The following MAPK8IP3 variants were observed in gnomAD, a reference collection of about 807,000 sequenced individuals.
The protein encoded by MAPK8IP3 is mitogen-activated protein kinase 8 interacting protein 3.
MAPK8IP3 carries 49 observed loss-of-function variants against 157.8 expected under a neutral mutation model. The ratio of observed to expected loss-of-function variants is 0.31; its 90% confidence interval spans 0.25 to 0.39. The LOEUF (loss-of-function observed/expected upper bound fraction) is 0.39, where lower values mean the gene tolerates loss of function less well. Among genes scored for constraint, MAPK8IP3 ranks in the 10% least tolerant of loss-of-function variants. The pLI is 1.00. For synonymous variants in MAPK8IP3, 897 were observed against 777.7 expected, an observed-to-expected ratio of 1.15 and a Z score of -2.55; for missense variants, 1,478 against 1,889.4, an observed-to-expected ratio of 0.78 and a Z score of 4.04.
At position 1,710,639 on chromosome 16, in the gene MAPK8IP3, G is replaced by T. The variant is rs1474699129; in HGVS notation, c.318+3982G>T. Among the ~76,000 whole-genome samples, 1 of 152,118 alleles carries T rather than the reference G, an allele frequency of 6.6e-6. No individual in the cohort carries two copies. Among genetic ancestry groups the T allele is most frequent in the Non-Finnish European group, 1.5e-5 (1 of 68,010 alleles). ...CTCCTCTGCGCCAGACGATCTGCAG[G>T]AAGTCTTTTCCATCAATGAATTAAG... is the stretch of plus-strand genomic sequence containing the variant. On this transcript the variant is annotated intron_variant, in intron 1 of 31. Coordinates refer to ENST00000610761, the MANE Select transcript of MAPK8IP3 (RefSeq NM_001318852.2). This position sits in a 1 kb window ranked among gnomAD's most constrained non-coding sequence, Gnocchi z 4.1.
rs2040660459 is a variant in MAPK8IP3 at position 1,741,271 on chromosome 16, G to C, written c.603-2061G>C. 6.6e-6 allele frequency among the ~76,000 whole-genome samples: 1 copy of C among 152,218 alleles called. No individual in the cohort carries two copies. The highest frequency in any genetic ancestry group is 6.5e-5 in the Admixed American group (1 of 15,286). ...TGAGGGAGCTGCGAGGACAAATCGG[G>C]AGGACGGGGTCAGTCGGCAAACGCT... On this transcript the variant is annotated intron_variant, in intron 4 of 31. Coordinates refer to ENST00000610761, the MANE Select transcript of MAPK8IP3 (RefSeq NM_001318852.2). The surrounding 1 kb of genome is among the most constrained non-coding windows in gnomAD (Gnocchi z 6.9).
chr16:1,720,273 T>C (rs929239885), intron 1 of MAPK8IP3, among the ~76,000 whole-genome samples: 5 of 152,212 alleles, frequency 3.3e-5, no homozygotes, highest in African/African-American at 1.2e-4. Context: ...TGACCTCAGG[T>C]GATCCACCCG....
Position 1,729,126 on chromosome 16 carries a change from T to C in MAPK8IP3, c.440-12T>C, listed in dbSNP as rs2039114694. On this transcript the variant is annotated splice_polypyrimidine_tract_variant and intron_variant, in intron 2 of 31. Coordinates refer to ENST00000610761, the MANE Select transcript of MAPK8IP3 (RefSeq NM_001318852.2). ...CGTCTTGTGCGGCTCAGACAGTGAT[T>C]GTGTTTTCCAGTTTCCCGGTTGGAG... The C allele has an allele frequency of 6.2e-7, 1 of 1,613,292 alleles. No individual in the cohort carries two copies. The highest frequency in any genetic ancestry group is 1.3e-5 in the African/African-American group (1 of 74,920).
At chr16:1,760,309 C>A in intron 11 of MAPK8IP3, 71 bp from the exon 12 acceptor site, 1 of 1,541,268 alleles carries the variant, frequency 6.5e-7, no homozygotes, top group South Asian at 1.2e-5. Flanking sequence ...AGTGCAGGCG[C>A]CCCTGGCAAG....
intron 4 of MAPK8IP3, among the ~76,000 whole-genome samples, chr16:1,730,713 G>C (rs183823800): frequency 3.9e-5 from 6 of 151,954 alleles, no homozygotes; most frequent in Non-Finnish European, 7.4e-5. Flanking sequence ...TGTGGTGGCG[G>C]GCGCCTGTAG....
Position 1,737,954 on chromosome 16 carries a change from G to C in MAPK8IP3, c.603-5378G>C, listed in dbSNP as rs1284448918. 3.2e-4 allele frequency among the ~76,000 whole-genome samples: 25 copies of C among 78,016 alleles called. 2 individuals carry two copies. The highest frequency in any genetic ancestry group is 5.8e-4 in the Non-Finnish European group (23 of 39,760). The allele number at this position is 78,016 out of a possible 152,430, so 51.2% of individuals were successfully genotyped here. On this transcript the variant is annotated intron_variant, in intron 4 of 31. Transcript: ENST00000610761. ...TGTGAGCATCCGTGTGACTGTCCGT[G>C]TGAGCGTCCGTGTGAGCGTGTGACC...
intron 2 of MAPK8IP3, among the ~76,000 whole-genome samples, chr16:1,725,927 G>A (rs933920606): frequency 5.3e-5 from 8 of 152,154 alleles, no homozygotes; most frequent in Non-Finnish European, 7.3e-5. Flanking sequence ...TCGATCTTCT[G>A]ACCTCGTGAT....
intron 4 of MAPK8IP3, among the ~76,000 whole-genome samples, chr16:1,736,807 T>TGACCATCC (rs2039926009): frequency 5.1e-5 from 4 of 78,910 alleles, no homozygotes; most frequent in African/African-American, 5.7e-5. Flanking sequence ...CGTGTGAGCG[T>TGACCATCC]GTGACCGTCC....
intron 4 of MAPK8IP3, among the ~76,000 whole-genome samples, chr16:1,739,199 C>CGT (rs1157688459): frequency 9.6e-6 from 1 of 104,390 alleles, no homozygotes; most frequent in Non-Finnish European, 1.8e-5. Flanking sequence ...TGTGACCGTC[C>CGT]GTGTGAGCGT....
chr16:1,760,505 T>G lies in MAPK8IP3; in HGVS notation c.1430T>G (p.Ile477Ser). 1 of 1,613,390 alleles carries G rather than the reference T, an allele frequency of 6.2e-7. No individual in the cohort carries two copies. The highest frequency in any genetic ancestry group is 8.5e-7 in the Non-Finnish European group (1 of 1,179,574). The part of the protein sequence containing the change: ...KQAKVKLENR[I>S]KELEEELKRV... The stretch of plus-strand genomic sequence containing the variant: ...GCCAAAGTCAAGCTGGAAAACCGTA[T>G]CAAGGAGCTGGAAGAGGAACTGAAA... Residue 477 changes from isoleucine to serine, a missense_variant, in exon 12 of 32, where the codon ATC (isoleucine) becomes AGC (serine). Physicochemically the swap from Ile to Ser is moderately radical, Grantham distance 142. Around this residue, in one of 11 missense-constraint regions of MAPK8IP3, gnomAD observed 96 missense variants for 106.3 expected, o/e 0.90. Coordinates refer to ENST00000610761, the MANE Select transcript of MAPK8IP3 (RefSeq NM_001318852.2).
chr16:1,748,265 G>A lies in MAPK8IP3; in HGVS notation c.1016G>A (p.Trp339Ter). ...CTAGGCATGGGCAGCAGTGACGAGT[G>A]GTCTGATGTTCAAGACATTATTGAC... The part of the protein sequence containing the change: ...VSIGMGSSDE[W>*]SDVQDIIDST... Residue 339 changes from tryptophan to a stop codon, truncating the protein, a stop_gained, in exon 7 of 32, where the codon TGG (tryptophan) becomes TAG (stop). Coordinates refer to ENST00000610761, the MANE Select transcript of MAPK8IP3 (RefSeq NM_001318852.2). LOFTEE classifies it high-confidence loss of function. 6.2e-7 allele frequency: 1 copy of A among 1,613,906 alleles called. No individual in the cohort carries two copies. The highest frequency in any genetic ancestry group is 8.5e-7 in the Non-Finnish European group (1 of 1,179,934).
In MAPK8IP3 at chr16:1,747,219, G is replaced by A. The variant is rs749862935; in HGVS notation, c.938G>A (p.Arg313His). 1.9e-5 allele frequency: 30 copies of A among 1,613,600 alleles called. No individual in the cohort carries two copies. The highest frequency in any genetic ancestry group is 5.3e-5 in the African/African-American group (4 of 74,958). ...AACAGCAAGCGTGCCCGGGAGAAGC[G>A]CGACAGCCGCAACATGGAAGTACAG... ...SKNSKRAREKRDSRNMEVQVT... is the reference protein window; with the variant it reads ...SKNSKRAREKHDSRNMEVQVT... Residue 313 changes from arginine (R) to histidine (H), a missense_variant, in exon 6 of 32, where the codon CGC (arginine) becomes CAC (histidine). This residue lies in a region of MAPK8IP3 where 315 missense variants were observed against 394.4 expected (regional missense o/e 0.80). Coordinates refer to ENST00000610761, the MANE Select transcript of MAPK8IP3 (RefSeq NM_001318852.2).
rs200792872 is a variant in MAPK8IP3, at chr16:1,711,366, C to CCTCA, written c.318+4710_318+4713dup. ...ACAGTTCAGTCACTTTGCAGCTGTGCCTCAGTCTGGCTCATGGGCCCTGGG... is the reference window on the plus strand; with the variant it reads ...ACAGTTCAGTCACTTTGCAGCTGTGCCTCACTCAGTCTGGCTCATGGGCCCTGGG... On this transcript the variant is annotated intron_variant, in intron 1 of 31. Coordinates refer to ENST00000610761, the MANE Select transcript of MAPK8IP3 (RefSeq NM_001318852.2). Among the ~76,000 whole-genome samples the CCTCA allele has an allele frequency of 3.8e-3, 582 of 152,302 alleles. 4 individuals are homozygous for CCTCA. The highest frequency in any genetic ancestry group is 0.013 in the African/African-American group (555 of 41,562).
chr16:1,744,307 G>C, intron 5 of MAPK8IP3: 2 of 985,920 alleles, frequency 2.0e-6, no homozygotes, highest in Non-Finnish European at 2.4e-6. Context: ...GGCTGGGTTG[G>C]GCTGGTGGAT....
chr16:1,728,851 GCACA>G (rs1471377941), intron 2 of MAPK8IP3, among the ~76,000 whole-genome samples: 1 of 143,582 alleles, frequency 7.0e-6, no homozygotes, highest in Non-Finnish European at 1.5e-5. Context: ...CCATGGCACA[GCACA>G]CACAGCAGCC....
chr16:1,740,281 T>C (rs1186896800), intron 4 of MAPK8IP3, among the ~76,000 whole-genome samples: 12 of 140,104 alleles, frequency 8.6e-5, no homozygotes, highest in Non-Finnish European at 1.2e-4. Flanking sequence ...TCCGTGTGAG[T>C]GTCCGCATAA....
Position 1,768,953 on chromosome 16 carries a change from A to G in MAPK8IP3, c.*129A>G. 1 of 1,103,420 alleles carries G rather than the reference A, an allele frequency of 9.1e-7. No homozygotes were observed. Among genetic ancestry groups the G allele is most frequent in the Non-Finnish European group, 1.3e-6 (1 of 776,000 alleles). 68.4% of individuals were successfully genotyped at this position (1,103,420 alleles called of 1,614,324 possible). ...CCTCTCAACCTGCAGCTTTCACCTG[A>G]GTCTGGCCCCTCCAGCGGGCAGGGA... On this transcript the variant is annotated 3_prime_UTR_variant, in exon 32 of 32. Transcript: ENST00000610761.
At chr16:1,735,419 G>T (rs557059763) in intron 4 of MAPK8IP3, among the ~76,000 whole-genome samples, 1 of 147,842 alleles carries the variant, frequency 6.8e-6, no homozygotes, top group African/African-American at 2.5e-5. Context: ...GTGAGCGTCC[G>T]TGTGACCATC....
At chr16:1,737,048 CCGTCCGTGTGAG>C (rs1203651552) in intron 4 of MAPK8IP3, among the ~76,000 whole-genome samples, 15 of 60,590 alleles carry the variant, frequency 2.5e-4, no homozygotes, top group African/African-American at 9.0e-4. Context: ...ATCCGTGTGA[CCGTCCGTGTGAG>C]CGTCCGTGTG....
Sources: gnomAD v4.1 joint callset for allele counts (sites outside exome capture counted in the v4.1 genomes callset) on GRCh38, gnomAD v4.1.1 for gene constraint, gnomAD v4.1.1 regional missense constraint, Gnocchi (gnomAD v3.1) non-coding constraint, MANE v1.5 for transcripts, NCBI Gene and HGNC (gene_info 2026-07-23, HGNC 2026-07-21) for gene names.